Variants in PSD3 observed in about 807,000 individuals in gnomAD.
PSD3 encodes the protein pleckstrin and Sec7 domain containing 3, also known as PH and SEC7 domain-containing protein 3.
PSD3 carries 49 observed loss-of-function variants against 105.5 expected under a neutral mutation model. The observed-to-expected ratio is 0.46, with a 90% CI of 0.37 to 0.59. The LOEUF (loss-of-function observed/expected upper bound fraction) is 0.59, where lower values mean the gene tolerates loss of function less well. Ranked by LOEUF, PSD3 falls within the 20% of genes least tolerant of loss-of-function variation. PSD3 has a pLI of 0.00. For synonymous variants in PSD3, 557 were observed against 457.8 expected (o/e 1.22, Z -2.77); for missense variants, 1,561 against 1,263.8 (o/e 1.24, Z -3.57).
intron 1 of PSD3, among the ~76,000 whole-genome samples, chr8:18,947,382 G>A (rs1003808903): frequency 1.3e-5 from 2 of 152,208 alleles, no homozygotes; most frequent in African/African-American, 2.4e-5. Flanking sequence ...GTGAGCACAA[G>A]ACCAATAACT....
At chr8:18,572,478 A>G (rs1294010805) in intron 14 of PSD3, 50 bp downstream of exon 14, 22 of 1,583,974 alleles carry the variant, frequency 1.4e-5, no homozygotes, top group Non-Finnish European at 1.9e-5. Flanking sequence ...TTATCACATT[A>G]TTTTACAAAG....
intron 1 of PSD3, among the ~76,000 whole-genome samples, chr8:19,042,033 G>C (rs1043400875): frequency 6.6e-6 from 1 of 151,900 alleles, no homozygotes; most frequent in African/African-American, 2.4e-5. Context: ...GAAACTTTAA[G>C]AGAAAAAACA....
At chr8:18,588,324 G>C (rs1233361200) in intron 12 of PSD3, among the ~76,000 whole-genome samples, 1 of 152,156 alleles carries the variant, frequency 6.6e-6, no homozygotes, top group Non-Finnish European at 1.5e-5. Flanking sequence ...GAACTATGAA[G>C]TTTAAGCTTC....
intron 4 of PSD3, among the ~76,000 whole-genome samples, chr8:18,842,763 A>G (rs1445947500): frequency 1.3e-5 from 2 of 152,124 alleles, no homozygotes; most frequent in African/African-American, 4.8e-5. Flanking sequence ...CTTTACTAGT[A>G]TACAGACTAT....
At chr8:18,715,717 T>A (rs558211637) in intron 9 of PSD3, among the ~76,000 whole-genome samples, 4 of 152,322 alleles carry the variant, frequency 2.6e-5, no homozygotes, top group Admixed American at 2.6e-4. Context: ...CTAGAACCCA[T>A]GGCAAACACC....
chr8:18,854,059 C>G (rs1044193532), intron 4 of PSD3: 3 of 152,156 alleles, frequency 2.0e-5, no homozygotes, highest in Non-Finnish European at 4.4e-5. Context: ...CCAGCACTGC[C>G]TAGGACCAGA....
intron 15 of PSD3, 59 bp downstream of exon 15, chr8:18,556,150 T>C: frequency 6.3e-7 from 1 of 1,586,904 alleles, no homozygotes; most frequent in African/African-American, 1.3e-5. Context: ...TACCGCCTCA[T>C]GGACAGATCA....
chr8:18,801,900 T>C (rs1178445113), intron 6 of PSD3, among the ~76,000 whole-genome samples: 4 of 152,030 alleles, frequency 2.6e-5, no homozygotes. Flanking sequence ...AAGAAAGCCT[T>C]GGGAAGGTAG....
At chr8:19,026,131 C>A (rs1438592914) in intron 1 of PSD3, among the ~76,000 whole-genome samples, 1 of 152,140 alleles carries the variant, frequency 6.6e-6, no homozygotes, top group Admixed American at 6.5e-5. Context: ...AGACCTGCCC[C>A]CATGATTCAA....
At position 18,822,035 on chromosome 8, in the gene PSD3, G is replaced by A. The variant is rs537305407; in HGVS notation, c.1635-17137C>T. ...TACCCTTAGCAAAGACAATAAAGAC[G>A]TAAAAGTCCTTCAGAAAAGAAAAAA... On this transcript the variant is annotated intron_variant, in intron 4 of 15. Coordinates refer to ENST00000327040, the MANE Select transcript of PSD3 (RefSeq NM_015310.4). Among the ~76,000 whole-genome samples the A allele has an allele frequency of 1.1e-4, 17 of 152,210 alleles. No homozygotes were observed. The South Asian group carries it at 3.1e-3, about 28-fold the overall frequency.
intron 9 of PSD3, among the ~76,000 whole-genome samples, chr8:18,710,702 G>C (rs1297112674): frequency 1.3e-5 from 2 of 151,714 alleles, no homozygotes; most frequent in African/African-American, 4.8e-5. Flanking sequence ...TTTTTTTTGA[G>C]ATGGAGTCTC....
At chr8:18,695,178 G>T (rs1801191470) in intron 9 of PSD3, among the ~76,000 whole-genome samples, 1 of 152,156 alleles carries the variant, frequency 6.6e-6, no homozygotes, top group Non-Finnish European at 1.5e-5. Flanking sequence ...ACAAAGGCCT[G>T]ATGAGAGCTA....
chr8:18,762,539 T>C (rs1432093249), intron 9 of PSD3, among the ~76,000 whole-genome samples: 1 of 152,246 alleles, frequency 6.6e-6, no homozygotes, highest in Non-Finnish European at 1.5e-5. Flanking sequence ...CTAAGTAATA[T>C]GCTATCACTG....
At chr8:18,946,896 C>A (rs13276979) in intron 1 of PSD3, among the ~76,000 whole-genome samples, 87,836 of 150,094 alleles carry the variant, frequency 0.59, 26,278 homozygotes, top group Non-Finnish European at 0.65. Flanking sequence ...CAGAGCAAGA[C>A]TCCATCTCAA....
intron 1 of PSD3, among the ~76,000 whole-genome samples, chr8:18,952,030 G>A (rs1246479290): frequency 6.6e-6 from 1 of 152,114 alleles, no homozygotes; most frequent in African/African-American, 2.4e-5. Flanking sequence ...TGCTACATAA[G>A]ACTGATTCAG....
Position 18,686,923 on chromosome 8 carries a change from G to A in PSD3, c.2173-31238C>T, listed in dbSNP as rs555000415. Among the ~76,000 whole-genome samples, 120 of 152,204 alleles carry A rather than the reference G, an allele frequency of 7.9e-4. 1 individual carries two copies. The highest frequency in any genetic ancestry group is 3.4e-3 in the Middle Eastern group (1 of 294). On this transcript the variant is annotated intron_variant, in intron 9 of 15. Transcript: ENST00000327040. ...GTCAGCTCAGTATCTTTTTCCAAAA[G>A]GACCTTCTGTGACCATCCTTCCTTA...
chr8:18,735,386 C>A (rs769847789), intron 9 of PSD3, among the ~76,000 whole-genome samples: 9 of 152,148 alleles, frequency 5.9e-5, no homozygotes, highest in Non-Finnish European at 1.0e-4. Context: ...GAGATACTCA[C>A]AATCAGAGTA....
At chr8:18,608,157 C>T (rs543770944) in intron 11 of PSD3, among the ~76,000 whole-genome samples, 11 of 152,194 alleles carry the variant, frequency 7.2e-5, no homozygotes, top group South Asian at 2.1e-4. Context: ...GAGGTTGAGG[C>T]TGCAGTGAGC....
chr8:18,944,084 A>G (rs552597785), intron 1 of PSD3, among the ~76,000 whole-genome samples: 2 of 152,208 alleles, frequency 1.3e-5, no homozygotes, highest in South Asian at 4.1e-4. Flanking sequence ...CATGACTATG[A>G]TGGTTTTGAA....
Sources: allele counts gnomAD v4.1 joint callset (sites outside exome capture counted in the v4.1 genomes callset), GRCh38; gene constraint gnomAD v4.1.1; transcripts MANE v1.5; gene names NCBI Gene and HGNC (gene_info 2026-07-23, HGNC 2026-07-21).